Variants in DRD4 observed in about 807,000 individuals in gnomAD.
DRD4 encodes D(4) dopamine receptor.
DRD4 carries 26 observed loss-of-function variants against 22.1 expected under a neutral mutation model. That is an observed-to-expected ratio of 1.17 (90% confidence interval 0.86 to 1.63). DRD4 has a LOEUF of 1.63. Ranked by LOEUF, DRD4 falls within the 40% of genes most tolerant of loss-of-function variation. The probability of loss-of-function intolerance (pLI) is 0.00; values close to 1 mark genes in which losing one functional copy is unlikely to be tolerated. For synonymous variants in DRD4, 455 were observed against 306.7 expected (o/e 1.48, Z -5.05); for missense variants, 913 against 632.4 (o/e 1.44, Z -4.76).
chr11:639,577 C>CCCCCGCG (rs1858154934), intron 2 of DRD4, 32 bp downstream of exon 2: 2 of 1,338,450 alleles, frequency 1.5e-6, no homozygotes, highest in African/African-American at 1.6e-5. Context: ...CGCCCCGGCG[C>CCCCCGCG]CCCCGCGCCC....
chr11:637,702 G>A, intron 1 of DRD4, 113 bp downstream of exon 1: 1 of 1,519,358 alleles, frequency 6.6e-7, no homozygotes. Flanking sequence ...GCTTCCAGCT[G>A]GGGCGGCGGC....
In DRD4 at chr11:639,549, C is replaced by G. The variant is rs779149166; in HGVS notation, c.398+4C>G. The G allele has an allele frequency of 5.3e-6, 8 of 1,507,870 alleles. No homozygotes were observed. Among genetic ancestry groups the G allele is most frequent in the Non-Finnish European group, 7.1e-6 (8 of 1,133,372 alleles). 93.4% of individuals were successfully genotyped at this position (1,507,870 alleles called of 1,614,324 possible). On this transcript the variant is annotated splice_donor_region_variant and intron_variant, in intron 2 of 3. Transcript: ENST00000176183. ...TGTGCGCCATCAGCGTGGACAGGTG[C>G]GCCGCCCTCCCCGCCCGCGCCCCGG... is the stretch of plus-strand genomic sequence containing the variant.
In DRD4 at chr11:639,442, G is replaced by T; in HGVS notation, c.295G>T (p.Gly99Cys). ...PLFVYSEVQG[G>C]AWLLSPRLCD... ...TGGTGTCGCCGCGCAGGTCCAGGGT[G>T]GCGCGTGGCTGCTGAGCCCCCGCCT... Residue 99 changes from glycine (G) to cysteine (C), a missense_variant, in exon 2 of 4, where the codon GGC becomes TGC. By Grantham distance (159) the Gly-to-Cys change is radical (BLOSUM62 -3). Transcript: ENST00000176183. 6.3e-7 allele frequency: 1 copy of T among 1,593,468 alleles called. No homozygotes were observed. Among genetic ancestry groups the T allele is most frequent in the South Asian group, 1.1e-5 (1 of 89,418 alleles).
chr11:640,446 C>T lies in DRD4; in HGVS notation c.1103C>T (p.Thr368Met), dbSNP rs754520069. 1.2e-5 allele frequency: 19 copies of T among 1,601,474 alleles called. No homozygotes were observed. Among genetic ancestry groups the T allele is most frequent in the East Asian group, 6.7e-5 (3 of 44,880 alleles). Reference protein sequence around the residue: ...CWTPFFVVHITQALCPACSVP... With the variant: ...CWTPFFVVHIMQALCPACSVP... ...ACGCCCTTCTTCGTGGTGCACATCA[C>T]GCAGGCGCTGTGTCCTGCCTGCTCC... The change falls in exon 4 of 4, where the codon ACG (threonine) becomes ATG (methionine). Residue 368 changes from threonine (T) to methionine (M), a missense_variant. Transcript: ENST00000176183.
In DRD4 at chr11:640,487, G is replaced by A; in HGVS notation, c.1144G>A (p.Val382Ile). ...TGCCTGCTCCGTGCCCCCGCGGCTG[G>A]TCAGCGCCGTCACCTGGCTGGGCTA... Reference protein sequence around the residue: ...CPACSVPPRLVSAVTWLGYVN... With the variant: ...CPACSVPPRLISAVTWLGYVN... The change falls in exon 4 of 4, where the codon GTC becomes ATC. Residue 382 changes from valine to isoleucine, a missense_variant. Physicochemically the swap from Val to Ile is conservative, Grantham distance 29. Coordinates refer to ENST00000176183, the MANE Select transcript of DRD4 (RefSeq NM_000797.4). The A allele has an allele frequency of 6.2e-7, 1 of 1,602,144 alleles. No homozygotes were observed. Among genetic ancestry groups the A allele is most frequent in the Non-Finnish European group, 8.5e-7 (1 of 1,179,806 alleles).
chr11:638,658 A>G (rs1858124290), intron 1 of DRD4, among the ~76,000 whole-genome samples: 1 of 152,192 alleles, frequency 6.6e-6, no homozygotes, highest in Non-Finnish European at 1.5e-5. Context: ...CCCACAGAGA[A>G]CTTAGCCAAC....
chr11:639,714 C>T lies in DRD4; in HGVS notation c.465C>T (p.Leu155=), dbSNP rs1167966484. ...GTGGGAGCCGCCGGCAGCTGCTGCT[C>T]ATCGGCGCCACGTGGCTGCTGTCCG... ...RQGGSRRQLL[L]IGATWLLSAA... is the part of the protein sequence containing the mutation. The change falls in exon 3 of 4, where the codon CTC becomes CTT. Residue 155 remains leucine, a synonymous_variant. Coordinates refer to ENST00000176183, the MANE Select transcript of DRD4 (RefSeq NM_000797.4). 18 of 1,500,442 alleles carry T rather than the reference C, an allele frequency of 1.2e-5. No homozygotes were observed. In the Admixed American group the frequency reaches 3.4e-4, roughly 28 times the overall value. 92.9% of individuals were successfully genotyped at this position (1,500,442 alleles called of 1,614,324 possible).
rs771609515 is a variant in DRD4 at position 639,778 on chromosome 11, G to T, written c.529G>T (p.Val177Leu). Reference protein sequence around the residue: ...AAPVLCGLNDVRGRDPAVCRL... With the variant: ...AAPVLCGLNDLRGRDPAVCRL... Reference sequence around the variant, plus strand: ...GCCCGTACTGTGCGGCCTCAACGACGTGCGCGGCCGCGACCCCGCCGTGTG... The same window carrying T: ...GCCCGTACTGTGCGGCCTCAACGACTTGCGCGGCCGCGACCCCGCCGTGTG... The change falls in exon 3 of 4, where the codon GTG (valine) becomes TTG (leucine). Residue 177 changes from valine (V) to leucine (L), a missense_variant. By Grantham distance (32) the Val-to-Leu change is conservative. Transcript: ENST00000176183. 3.2e-6 allele frequency: 5 copies of T among 1,577,506 alleles called. No homozygotes were observed. The Admixed American group carries it at 8.6e-5, about 27-fold the overall frequency.
intron 1 of DRD4, 97 bp downstream of exon 1, chr11:637,686 T>A (rs1356738832): frequency 1.3e-6 from 2 of 1,526,090 alleles, no homozygotes; most frequent in Non-Finnish European, 1.8e-6. Flanking sequence ...CCCTTTCTGG[T>A]GCGGAGCTTC....
rs768493668 is a variant in DRD4, at chr11:637,541, C to T, written c.237C>T (p.Ala79=). 14 of 1,524,466 alleles carry T rather than the reference C, an allele frequency of 9.2e-6. No individual in the cohort carries two copies. The highest frequency in any genetic ancestry group is 2.4e-5 in the East Asian group (1 of 42,378). The allele number at this position is 1,524,466 out of a possible 1,614,324, so 94.4% of individuals were successfully genotyped here. The change falls in exon 1 of 4, where the codon GCC becomes GCT. Residue 79 remains alanine (A), a synonymous_variant. Transcript: ENST00000176183. ...TNSFIVSLAA[A]DLLLALLVLP... ...CCTTCATCGTGAGCCTGGCGGCCGC[C>T]GACCTCCTCCTCGCTCTCCTGGTGC...
At chr11:638,917 C>T in intron 1 of DRD4, 1 of 161,556 alleles carries the variant, frequency 6.2e-6, no homozygotes, top group Non-Finnish European at 1.4e-5. Context: ...CTGGTCTCTA[C>T]AAAAAATTTT....
rs1012641552 is a variant in DRD4 at position 637,368 on chromosome 11, G to A, written c.64G>A (p.Ala22Thr). 1.8e-6 allele frequency: 2 copies of A among 1,141,354 alleles called. No individual in the cohort carries two copies. The highest frequency in any genetic ancestry group is 5.4e-5 in the Admixed American group (1 of 18,506). 70.7% of individuals were successfully genotyped at this position (1,141,354 alleles called of 1,614,324 possible). A position where few individuals can be genotyped will look rare whatever the true frequency, so the allele number is the denominator to read the frequency against. The stretch of plus-strand genomic sequence containing the variant: ...GGCTGGGCGCGGGCCGGCCGCGGGG[G>A]CATCTGCGGGGGCATCTGCGGGGCT... ...LLAGRGPAAG[A>T]SAGASAGLAG... The change falls in exon 1 of 4, where the codon GCA (alanine) becomes ACA (threonine). Residue 22 changes from alanine to threonine, a missense_variant. By Grantham distance (58) the Ala-to-Thr change is moderately conservative. Coordinates refer to ENST00000176183, the MANE Select transcript of DRD4 (RefSeq NM_000797.4).
At position 637,515 on chromosome 11, in the gene DRD4, T is replaced by C; in HGVS notation, c.211T>C (p.Ser71Pro). 1.3e-6 allele frequency: 2 copies of C among 1,563,866 alleles called. No homozygotes were observed. Among genetic ancestry groups the C allele is most frequent in the South Asian group, 1.2e-5 (1 of 85,614 alleles). ...TERALQTPTN[S>P]FIVSLAAADL... The stretch of plus-strand genomic sequence containing the variant: ...GCGCGCCCTGCAGACGCCCACCAAC[T>C]CCTTCATCGTGAGCCTGGCGGCCGC... The change falls in exon 1 of 4, where the codon TCC (serine) becomes CCC (proline). Residue 71 changes from serine to proline, a missense_variant. Coordinates refer to ENST00000176183, the MANE Select transcript of DRD4 (RefSeq NM_000797.4).
At chr11:640,328 C>CG in intron 3 of DRD4, 22 bp downstream of exon 3, 1 of 1,094,256 alleles carries the variant, frequency 9.1e-7, no homozygotes, top group East Asian at 2.7e-5. Flanking sequence ...TCCTGAGGGG[C>CG]GGGGAGGAGA....
At position 639,943 on chromosome 11, in the gene DRD4, G is replaced by C. The variant is rs367612113; in HGVS notation, c.694G>C (p.Gly232Arg). The C allele has an allele frequency of 1.2e-5, 17 of 1,458,736 alleles. No individual in the cohort carries two copies. The highest frequency in any genetic ancestry group is 4.6e-5 in the Admixed American group (2 of 43,164). The allele number at this position is 1,458,736 out of a possible 1,614,324, so 90.4% of individuals were successfully genotyped here. Residue 232 changes from glycine to arginine, a missense_variant, in exon 3 of 4, where the codon GGC (glycine) becomes CGC (arginine). Gly to Arg is a moderately radical substitution (Grantham distance 125). Coordinates refer to ENST00000176183, the MANE Select transcript of DRD4 (RefSeq NM_000797.4). Reference sequence around the variant, plus strand: ...GGTGGCACGTCGCGCCAAGCTGCACGGCCGCGCGCCCCGCCGACCCAGCGG... The same window carrying C: ...GGTGGCACGTCGCGCCAAGCTGCACCGCCGCGCGCCCCGCCGACCCAGCGG... Reference protein sequence around the residue: ...WEVARRAKLHGRAPRRPSGPG... With the variant: ...WEVARRAKLHRRAPRRPSGPG...
rs1858224025 is a variant in DRD4 at position 640,698 on chromosome 11, C to T, written c.*95C>T. ...TTTTGTACGTTAATTAAACAAATTC[C>T]TTCCCAAACTCAGCTGTGAAGGCTC... is the stretch of plus-strand genomic sequence containing the variant. On this transcript the variant is annotated 3_prime_UTR_variant, in exon 4 of 4. Coordinates refer to ENST00000176183, the MANE Select transcript of DRD4 (RefSeq NM_000797.4). The T allele has an allele frequency of 3.5e-6, 5 of 1,439,892 alleles. No individual in the cohort carries two copies. The South Asian group carries it at 3.6e-5, about 10-fold the overall frequency. 89.2% of individuals were successfully genotyped at this position (1,439,892 alleles called of 1,614,324 possible).
At chr11:638,708 G>GCCT (rs1292021850) in intron 1 of DRD4, among the ~76,000 whole-genome samples, 1 of 152,034 alleles carries the variant, frequency 6.6e-6, no homozygotes, top group East Asian at 1.9e-4. Context: ...CGGGGACCCT[G>GCCT]CCTACCCCAG....
At chr11:637,914 G>A (rs1352546723) in intron 1 of DRD4, among the ~76,000 whole-genome samples, 1 of 152,190 alleles carries the variant, frequency 6.6e-6, no homozygotes, top group Non-Finnish European at 1.5e-5. Flanking sequence ...CCCCTCCGTA[G>A]CTGGATTTCA....
rs998551458 is a variant in DRD4 at position 637,363 on chromosome 11, C to T, written c.59C>T (p.Ala20Val). 4.4e-6 allele frequency: 5 copies of T among 1,136,510 alleles called. No homozygotes were observed. Among genetic ancestry groups the T allele is most frequent in the South Asian group, 5.2e-5 (2 of 38,658 alleles). The allele number at this position is 1,136,510 out of a possible 1,614,324, so 70.4% of individuals were successfully genotyped here. A position where few individuals can be genotyped will look rare whatever the true frequency, so the allele number is the denominator to read the frequency against. The change falls in exon 1 of 4, where the codon GCG (alanine) becomes GTG (valine). Residue 20 changes from alanine (A) to valine (V), a missense_variant. Ala to Val is a moderately conservative substitution (Grantham distance 64, BLOSUM62 0). Transcript: ENST00000176183. ...DGLLAGRGPAAGASAGASAGL... is the reference protein window; with the variant it reads ...DGLLAGRGPAVGASAGASAGL... Reference sequence around the variant, plus strand: ...CTGCTGGCTGGGCGCGGGCCGGCCGCGGGGGCATCTGCGGGGGCATCTGCG... The same window carrying T: ...CTGCTGGCTGGGCGCGGGCCGGCCGTGGGGGCATCTGCGGGGGCATCTGCG...
Sources: gnomAD v4.1 joint callset for allele counts (sites outside exome capture counted in the v4.1 genomes callset) on GRCh38, gnomAD v4.1.1 for gene constraint, MANE v1.5 for transcripts, NCBI Gene and HGNC (gene_info 2026-07-23, HGNC 2026-07-21) for gene names.